Variants in ANK2 observed in about 807,000 individuals in gnomAD.
The protein encoded by ANK2 is ankyrin 2.
Under a neutral mutation model 360.5 loss-of-function variants are expected in ANK2, and 83 were observed. The ratio of observed to expected loss-of-function variants is 0.23; its 90% CI spans 0.19 to 0.28. ANK2 has a LOEUF of 0.28. Among genes scored for constraint, ANK2 ranks in the 10% least tolerant of loss-of-function variants. ANK2 has a pLI of 1.00. For missense variants in ANK2, 4,201 were observed against 4,795.7 expected, an observed-to-expected ratio of 0.88 and a Z score of 3.66; for synonymous variants, 1,740 against 1,759.5, an observed-to-expected ratio of 0.99 and a Z score of 0.28.
chr4:112,915,616 A>G (rs2089483778), intron 2 of ANK2, among the ~76,000 whole-genome samples: 1 of 151,980 alleles, frequency 6.6e-6, no homozygotes, highest in Admixed American at 6.6e-5. Flanking sequence ...TTAACTGGGC[A>G]TGGTGGCATA....
At chr4:112,915,057 A>G (rs1224603799) in intron 2 of ANK2, among the ~76,000 whole-genome samples, 5 of 152,220 alleles carry the variant, frequency 3.3e-5, no homozygotes, top group Non-Finnish European at 7.3e-5. Flanking sequence ...ACTAAAGTTT[A>G]TGACTAAATT....
In ANK2 at chr4:112,871,338, G is replaced by A. The variant is rs141330808; in HGVS notation, c.-39-33117G>A. Among the ~76,000 whole-genome samples, 21 of 152,038 alleles carry A rather than the reference G, an allele frequency of 1.4e-4. No individual in the cohort carries two copies. The East Asian group carries it at 3.1e-3, about 22-fold the overall frequency. ...GAGGCTGGGACTATAGGCGCACGCC[G>A]CTATGCCCAGATAATTTTTTGTATT... On this transcript the variant is annotated intron_variant, in intron 1 of 30. Coordinates refer to the ANK2 transcript ENST00000503271.
At chr4:113,055,002 T>C (rs998045720) in intron 1 of ANK2, among the ~76,000 whole-genome samples, 3 of 152,192 alleles carry the variant, frequency 2.0e-5, no homozygotes, top group African/African-American at 7.2e-5. Context: ...GCTAAAATAA[T>C]TCACTTCTTA....
intron 2 of ANK2, among the ~76,000 whole-genome samples, chr4:112,957,849 C>G (rs1458285271): frequency 8.4e-5 from 12 of 143,040 alleles, no homozygotes; most frequent in African/African-American, 1.1e-4. Context: ...GGGGCGGTTG[C>G]CAGGCAGAGG....
At chr4:113,071,222 C>T (rs207464973) in intron 1 of ANK2, among the ~76,000 whole-genome samples, 19 of 152,128 alleles carry the variant, frequency 1.2e-4, no homozygotes, top group African/African-American at 3.9e-4. Flanking sequence ...AGTTTAGACC[C>T]GATGCCTTTT....
At chr4:112,788,715 A>G in the ANK2 span, 2 of 1,595,666 alleles carry the variant, frequency 1.3e-6, no homozygotes, top group Non-Finnish European at 1.7e-6. Flanking sequence ...GGGCCATTTC[A>G]CAAAGCGGGT....
chr4:112,993,299 T>C (rs1318388429), intron 2 of ANK2, among the ~76,000 whole-genome samples: 1 of 151,924 alleles, frequency 6.6e-6, no homozygotes, highest in Non-Finnish European at 1.5e-5. Flanking sequence ...AAATATTTAG[T>C]GTATACCTTC....
intron 2 of ANK2, among the ~76,000 whole-genome samples, chr4:113,015,763 G>A (rs1304681382): frequency 1.3e-5 from 2 of 152,064 alleles, no homozygotes; most frequent in Non-Finnish European, 2.9e-5. Flanking sequence ...GTCTTATCAT[G>A]TTTTCTACTT....
chr4:112,853,179 C>A (rs2065452403), intron 1 of ANK2, among the ~76,000 whole-genome samples: 1 of 152,168 alleles, frequency 6.6e-6, no homozygotes, highest in Admixed American at 6.5e-5. Flanking sequence ...AGGGATTCTC[C>A]TGCCTCCGCC....
At chr4:112,885,796 C>CAAAAAAAAAAAAAAAAA (rs750277917) in intron 1 of ANK2, among the ~76,000 whole-genome samples, 1 of 26,972 alleles carries the variant, frequency 3.7e-5, no homozygotes, top group African/African-American at 1.1e-4. Flanking sequence ...GACTCTGTCT[C>CAAAAAAAAAAAAAAAAA]AAAAAAAAAA....
intron 1 of ANK2, among the ~76,000 whole-genome samples, chr4:113,118,080 G>C (rs1423407986): frequency 6.6e-6 from 1 of 151,998 alleles, no homozygotes; most frequent in Non-Finnish European, 1.5e-5. Flanking sequence ...GTTAAACAAG[G>C]GATGAAATGT....
Position 113,341,721 on chromosome 4 carries a change from A to G in ANK2, c.3927A>G (p.Glu1309=), listed in dbSNP as rs567570285. 527 of 1,614,148 alleles carry G rather than the reference A, an allele frequency of 3.3e-4. 6 individuals carry two copies. In the South Asian group the frequency reaches 5.4e-3, roughly 17 times the overall value. The change falls in exon 33 of 46, where the codon GAA becomes GAG. Residue 1309 remains glutamate, a synonymous_variant. Coordinates refer to ENST00000357077, the MANE Select transcript of ANK2 (RefSeq NM_001148.6). ...FWLIDCRQIQ[E]SVTFASQVYR... ...TGATAGATTGTCGACAGATCCAGGA[A>G]TCCGTTACTTTTGCATCACAAGTAT...
chr4:113,168,682 T>A (rs2097841599), intron 1 of ANK2, among the ~76,000 whole-genome samples: 1 of 152,214 alleles, frequency 6.6e-6, no homozygotes, highest in Non-Finnish European at 1.5e-5. Context: ...ATCACTTATG[T>A]GTTCTGACTG....
intron 1 of ANK2, among the ~76,000 whole-genome samples, chr4:113,081,811 A>T (rs950782743): frequency 2.5e-4 from 36 of 143,444 alleles, no homozygotes; most frequent in African/African-American, 8.1e-4. Flanking sequence ...GAAAACACGT[A>T]TTTTTTTTTT....
In ANK2 at chr4:113,125,510, C is replaced by T. The variant is rs930514043; in HGVS notation, c.85-48906C>T. Among the ~76,000 whole-genome samples the T allele has an allele frequency of 2.6e-5, 4 of 152,082 alleles. No homozygotes were observed. The East Asian group carries it at 5.8e-4, about 22-fold the overall frequency. ...ACAAAATTACCAGATACTTCTAAAG[C>T]TCCATAAAAACAAATTCAGGAGACC... On this transcript the variant is annotated intron_variant, in intron 1 of 45. Coordinates refer to ENST00000357077, the MANE Select transcript of ANK2 (RefSeq NM_001148.6).
intron 1 of ANK2, among the ~76,000 whole-genome samples, chr4:113,168,713 T>A (rs2097842509): frequency 6.6e-6 from 1 of 152,124 alleles, no homozygotes; most frequent in African/African-American, 2.4e-5. Flanking sequence ...ACTTCTGCAA[T>A]TCTTTCTAAA....
chr4:113,101,992 G>C (rs1412565343), intron 1 of ANK2, among the ~76,000 whole-genome samples: 1 of 152,166 alleles, frequency 6.6e-6, no homozygotes, highest in Non-Finnish European at 1.5e-5. Flanking sequence ...GAGAAGCAAA[G>C]AGGGTCCAGC....
the ANK2 span, among the ~76,000 whole-genome samples, chr4:112,761,683 A>G: frequency 6.6e-6 from 1 of 152,218 alleles, no homozygotes; most frequent in East Asian, 1.9e-4. Flanking sequence ...AAGTGCAAAG[A>G]CAGTGCTTGG....
intron 5 of ANK2, among the ~76,000 whole-genome samples, 166 bp downstream of exon 5, chr4:113,232,425 A>C (rs1309795348): frequency 6.6e-6 from 1 of 152,222 alleles, no homozygotes; most frequent in Non-Finnish European, 1.5e-5. Flanking sequence ...AGGCTTGTGC[A>C]CAGAGTTCCA....
Sources: allele counts gnomAD v4.1 joint callset (sites outside exome capture counted in the v4.1 genomes callset), GRCh38; gene constraint gnomAD v4.1.1; transcripts MANE v1.5; gene names NCBI Gene and HGNC (gene_info 2026-07-23, HGNC 2026-07-21).